Variants in EPHX4 observed in about 807,000 individuals in gnomAD.
The protein encoded by EPHX4 is abhydrolase domain containing 7.
A neutral mutation model predicts 44.9 loss-of-function variants in EPHX4; 31 were observed. That is an observed-to-expected ratio of 0.69 (90% CI 0.52 to 0.93). The LOEUF is 0.93. Ranked by LOEUF, EPHX4 falls within the 40% of genes least tolerant of loss-of-function variation. The probability of loss-of-function intolerance (pLI) is 0.00; values close to 1 mark genes in which losing one functional copy is unlikely to be tolerated. For synonymous variants in EPHX4, 151 were observed against 159.7 expected (o/e 0.95, Z 0.41); for missense variants, 373 against 438.1 (o/e 0.85, Z 1.33).
intron 6 of EPHX4, among the ~76,000 whole-genome samples, chr1:92,062,329 T>C (rs1647516123): frequency 1.3e-5 from 2 of 151,984 alleles, no homozygotes; most frequent in African/African-American, 4.8e-5. Context: ...CTCACGGCTG[T>C]AATCCCAGCA....
intron 5 of EPHX4, among the ~76,000 whole-genome samples, chr1:92,051,943 C>A (rs934304260): frequency 1.3e-5 from 2 of 152,170 alleles, no homozygotes; most frequent in African/African-American, 4.8e-5. Flanking sequence ...ATATAGTTCA[C>A]ACAAGAATGG....
chr1:92,043,711 G>C (rs1688544945), intron 3 of EPHX4: 1 of 152,214 alleles, frequency 6.6e-6, no homozygotes, highest in African/African-American at 2.4e-5. Context: ...TGGATCTGCA[G>C]GTTAACCGTA....
intron 5 of EPHX4, 54 bp downstream of exon 5, chr1:92,050,474 T>C: frequency 2.1e-6 from 2 of 966,578 alleles, no homozygotes; most frequent in Non-Finnish European, 3.0e-6. Flanking sequence ...TAATGAAAAA[T>C]ATTTTAAAGT....
At chr1:92,031,757 A>C (rs138674838) in intron 1 of EPHX4, among the ~76,000 whole-genome samples, 278 of 151,922 alleles carry the variant, frequency 1.8e-3, no homozygotes, top group African/African-American at 6.6e-3. Flanking sequence ...TACTTTCCTC[A>C]ATTCAGCCTG....
At chr1:92,041,091 AAG>A (rs1473550818) in intron 2 of EPHX4, among the ~76,000 whole-genome samples, 1 of 151,984 alleles carries the variant, frequency 6.6e-6, no homozygotes, top group Non-Finnish European at 1.5e-5. Context: ...TTATTTGAAG[AAG>A]AAAATCTTAT....
At chr1:92,054,501 T>G (rs748537669) in intron 6 of EPHX4, among the ~76,000 whole-genome samples, 3 of 148,844 alleles carry the variant, frequency 2.0e-5, no homozygotes, top group Non-Finnish European at 1.5e-5. Flanking sequence ...GGTAGGAGAA[T>G]CGCTTGAACC....
intron 1 of EPHX4, among the ~76,000 whole-genome samples, chr1:92,031,840 A>G (rs915086966): frequency 3.9e-5 from 6 of 152,030 alleles, no homozygotes; most frequent in African/African-American, 1.5e-4. Context: ...TGTCTCCTAC[A>G]TGCAGAGTGA....
intron 6 of EPHX4, among the ~76,000 whole-genome samples, chr1:92,053,542 A>G (rs1425815305): frequency 1.3e-5 from 2 of 152,204 alleles, no homozygotes; most frequent in African/African-American, 4.8e-5. Context: ...TTCAGAGTAA[A>G]TGTGGGAAAA....
At chr1:92,060,240 C>G (rs964462003) in intron 6 of EPHX4, among the ~76,000 whole-genome samples, 10 of 151,350 alleles carry the variant, frequency 6.6e-5, no homozygotes, top group Admixed American at 6.6e-4. Context: ...GACAATGTGT[C>G]TAGAAAAAAA....
rs1688573675 is a variant in EPHX4 at position 92,045,777 on chromosome 1, C to T, written c.604+117C>T. ...ACTATCATATTTTAAAATTAAATGA[C>T]TAAACCATGATAGCACATGACAGTG... is the stretch of plus-strand genomic sequence containing the variant. On this transcript the variant is annotated intron_variant, in intron 4 of 6. Coordinates refer to ENST00000370383, the MANE Select transcript of EPHX4 (RefSeq NM_173567.5). 3 of 1,144,622 alleles carry T rather than the reference C, an allele frequency of 2.6e-6. No individual in the cohort carries two copies. In the South Asian group the frequency reaches 4.0e-5, roughly 15 times the overall value. The allele number at this position is 1,144,622 out of a possible 1,614,324, so 70.9% of individuals were successfully genotyped here. A position where few individuals can be genotyped will look rare whatever the true frequency, so the allele number is the denominator to read the frequency against.
intron 6 of EPHX4, among the ~76,000 whole-genome samples, chr1:92,053,224 T>C (rs964699255): frequency 7.2e-5 from 11 of 151,936 alleles, no homozygotes; most frequent in South Asian, 4.2e-4. Context: ...CTAAACAAGA[T>C]TGGGGACAGG....
chr1:92,032,281 T>C (rs970834062), intron 1 of EPHX4, among the ~76,000 whole-genome samples: 1 of 152,250 alleles, frequency 6.6e-6, no homozygotes, highest in African/African-American at 2.4e-5. Context: ...CAATTTACCC[T>C]ATTAATAGGT....
chr1:92,047,752 G>C (rs1349170481), intron 4 of EPHX4, among the ~76,000 whole-genome samples: 2 of 152,106 alleles, frequency 1.3e-5, no homozygotes, highest in African/African-American at 4.8e-5. Context: ...AACCATCATT[G>C]CTTTTGTAGT....
intron 2 of EPHX4, among the ~76,000 whole-genome samples, 169 bp downstream of exon 2, chr1:92,032,759 T>C (rs551038266): frequency 6.6e-6 from 1 of 152,228 alleles, no homozygotes; most frequent in African/African-American, 2.4e-5. Flanking sequence ...TGCCAACATC[T>C]GACAAGGGCC....
At position 92,030,180 on chromosome 1, in the gene EPHX4, T is replaced by C. The variant is rs1688336362; in HGVS notation, c.101T>C (p.Ile34Thr). ...VYCYCGLCAS[I>T]HLLKLLWSLG... ...TGCTACTGCGGGCTCTGCGCCTCCATCCACCTGCTCAAACTTTTGTGGAGC... is the reference window on the plus strand; with the variant it reads ...TGCTACTGCGGGCTCTGCGCCTCCACCCACCTGCTCAAACTTTTGTGGAGC... Residue 34 changes from isoleucine (I) to threonine (T), a missense_variant, in exon 1 of 7, where the codon ATC becomes ACC. Physicochemically the swap from Ile to Thr is moderately conservative, Grantham distance 89 (BLOSUM62 -1). Transcript: ENST00000370383. 1.9e-6 allele frequency: 3 copies of C among 1,611,964 alleles called. No individual in the cohort carries two copies. Among genetic ancestry groups the C allele is most frequent in the East Asian group, 4.5e-5 (2 of 44,764 alleles).
chr1:92,052,613 C>T lies in EPHX4; in HGVS notation c.812C>T (p.Pro271Leu), dbSNP rs1487045590. The change falls in exon 6 of 7, where the codon CCT becomes CTT. Residue 271 changes from proline (P) to leucine (L), a missense_variant. Physicochemically the swap from Pro to Leu is moderately conservative, Grantham distance 98 (BLOSUM62 -3). Transcript: ENST00000370383. ...LEAYIYVFSQ[P>L]GALSGPINHY... Reference sequence around the variant, plus strand: ...GCTTATATTTATGTCTTTTCTCAGCCTGGAGCATTAAGTGGCCCAATTAAC... The same window carrying T: ...GCTTATATTTATGTCTTTTCTCAGCTTGGAGCATTAAGTGGCCCAATTAAC... 2 of 1,612,526 alleles carry T rather than the reference C, an allele frequency of 1.2e-6. No homozygotes were observed. Among genetic ancestry groups the T allele is most frequent in the Non-Finnish European group, 1.7e-6 (2 of 1,179,524 alleles).
At chr1:92,057,221 A>G (rs1647387574) in intron 6 of EPHX4, among the ~76,000 whole-genome samples, 1 of 152,076 alleles carries the variant, frequency 6.6e-6, no homozygotes, top group African/African-American at 2.4e-5. Flanking sequence ...AAACAAAGAC[A>G]CAATAGAGAT....
chr1:92,043,784 G>T (rs893235887), intron 3 of EPHX4: 1 of 152,248 alleles, frequency 6.6e-6, no homozygotes, highest in Non-Finnish European at 1.5e-5. Flanking sequence ...TTCTCTCTGT[G>T]AGTTGGGCTG....
intron 4 of EPHX4, among the ~76,000 whole-genome samples, chr1:92,046,535 C>T (rs907562451): frequency 7.9e-5 from 12 of 152,222 alleles, no homozygotes; most frequent in African/African-American, 2.9e-4. Flanking sequence ...GCCATCTCGG[C>T]TCACTGCAAC....
Sources: gnomAD v4.1 joint callset for allele counts (sites outside exome capture counted in the v4.1 genomes callset) on GRCh38, gnomAD v4.1.1 for gene constraint, MANE v1.5 for transcripts, NCBI Gene and HGNC (gene_info 2026-07-23, HGNC 2026-07-21) for gene names.